The following CNBD1 variants were observed in gnomAD, a reference collection of about 807,000 sequenced individuals.
CNBD1 encodes the protein cyclic nucleotide-binding domain-containing protein 1.
In CNBD1, 71 loss-of-function variants were observed where a neutral mutation model predicts 54.4. The observed-to-expected ratio is 1.30, with a 90% confidence interval of 1.08 to 1.59. The LOEUF (loss-of-function observed/expected upper bound fraction) is 1.59. Among genes scored for constraint, CNBD1 ranks in the 40% most tolerant of loss-of-function variants. The pLI is 0.00. For synonymous variants in CNBD1, 182 were observed against 170.7 expected (o/e 1.07, Z -0.51); for missense variants, 659 against 518.0 (o/e 1.27, Z -2.64).
At chr8:87,040,423 C>CTTT (rs71277911) in intron 4 of CNBD1, among the ~76,000 whole-genome samples, 11 of 129,384 alleles carry the variant, frequency 8.5e-5, no homozygotes, top group South Asian at 2.5e-4. Flanking sequence ...AATTCTTTTT[C>CTTT]TTTTTTTTTT....
At chr8:86,927,678 A>G (rs573906446) in intron 3 of CNBD1, among the ~76,000 whole-genome samples, 13 of 152,164 alleles carry the variant, frequency 8.5e-5, no homozygotes, top group African/African-American at 1.9e-4. Flanking sequence ...TGCAAAGAGT[A>G]TGGTTAGTAT....
chr8:87,317,865 C>G (rs1809425840), intron 8 of CNBD1, among the ~76,000 whole-genome samples: 1 of 139,350 alleles, frequency 7.2e-6, no homozygotes, highest in Non-Finnish European at 1.6e-5. Flanking sequence ...TTCACTGTTT[C>G]TCTGTTCTAA....
At chr8:87,395,806 T>A (rs965816308) in intron 2 of CNBD1, among the ~76,000 whole-genome samples, 6 of 151,996 alleles carry the variant, frequency 3.9e-5, no homozygotes, top group African/African-American at 1.4e-4. Flanking sequence ...TGGTGAGAGA[T>A]AATTGAATCA....
chr8:87,293,492 G>A lies in CNBD1; in HGVS notation c.1042+6821G>A, dbSNP rs370476390. Among the ~76,000 whole-genome samples, 21 of 152,226 alleles carry A rather than the reference G, an allele frequency of 1.4e-4. No homozygotes were observed. The East Asian group carries it at 2.9e-3, about 21-fold the overall frequency. On this transcript the variant is annotated intron_variant, in intron 8 of 10. Transcript: ENST00000518476. ...CAGGAGGCTGAGGTTGCAGTGAGCC[G>A]AGATCGTGCTGCTGCACTCCAGCCT...
intron 4 of CNBD1, among the ~76,000 whole-genome samples, chr8:87,146,566 C>A (rs934834146): frequency 6.6e-6 from 1 of 152,126 alleles, no homozygotes. Context: ...GAATTCCCCT[C>A]CCCTACCCAT....
intron 8 of CNBD1, among the ~76,000 whole-genome samples, chr8:87,313,324 C>T (rs1320225308): frequency 6.6e-6 from 1 of 151,834 alleles, no homozygotes; most frequent in East Asian, 1.9e-4. Flanking sequence ...AGTTACTATC[C>T]AAGAAGAAAT....
intron 4 of CNBD1, among the ~76,000 whole-genome samples, chr8:87,047,154 G>C (rs956465893): frequency 1.1e-4 from 17 of 152,066 alleles, no homozygotes; most frequent in Non-Finnish European, 2.9e-5. Context: ...GATTTCCCGG[G>C]TATGGCACTT....
intron 1 of CNBD1, among the ~76,000 whole-genome samples, chr8:86,870,079 C>T (rs1808419626): frequency 6.6e-6 from 1 of 151,216 alleles, no homozygotes; most frequent in African/African-American, 2.4e-5. Flanking sequence ...TTTTAATTCA[C>T]CAGACATTTC....
chr8:87,171,715 T>G (rs1813091649), intron 4 of CNBD1, among the ~76,000 whole-genome samples: 1 of 152,022 alleles, frequency 6.6e-6, no homozygotes, highest in East Asian at 1.9e-4. Context: ...CTCAGCTCAC[T>G]GAAACCTTCA....
At chr8:87,357,804 T>C (rs927870295) in intron 10 of CNBD1, among the ~76,000 whole-genome samples, 1 of 152,168 alleles carries the variant, frequency 6.6e-6, no homozygotes, top group African/African-American at 2.4e-5. Flanking sequence ...TGATATAGTT[T>C]GGATGTCTGT....
In CNBD1 at chr8:87,416,744, T is replaced by C. The variant is rs562572948; in HGVS notation, c.214-11802T>C. Reference sequence around the variant, plus strand: ...TTACACTGGGCACTCCTGAAGGCTGTGGATAAAAATTGAGGCAGATAATAG... The same window carrying C: ...TTACACTGGGCACTCCTGAAGGCTGCGGATAAAAATTGAGGCAGATAATAG... On this transcript the variant is annotated intron_variant, in intron 2 of 7. Coordinates refer to the CNBD1 transcript ENST00000521593. 5.9e-5 allele frequency among the ~76,000 whole-genome samples: 9 copies of C among 152,120 alleles called. No individual in the cohort carries two copies. In the South Asian group the frequency reaches 1.9e-3, roughly 31 times the overall value.
chr8:86,918,818 A>G (rs1342843029), intron 3 of CNBD1, among the ~76,000 whole-genome samples: 1 of 145,268 alleles, frequency 6.9e-6, no homozygotes, highest in Non-Finnish European at 1.5e-5. Flanking sequence ...AAAAAAAAAG[A>G]TTTAGGGAGT....
intron 4 of CNBD1, among the ~76,000 whole-genome samples, chr8:87,012,553 C>T (rs886484472): frequency 8.5e-5 from 13 of 152,180 alleles, no homozygotes; most frequent in South Asian, 2.1e-4. Flanking sequence ...TTTTGTTTTC[C>T]GGCCTTCCTT....
intron 6 of CNBD1, among the ~76,000 whole-genome samples, chr8:87,279,748 A>G (rs1808558257): frequency 1.3e-5 from 2 of 151,112 alleles, no homozygotes; most frequent in African/African-American, 4.8e-5. Context: ...ATATAACTAA[A>G]TATGTGTAGT....
intron 4 of CNBD1, among the ~76,000 whole-genome samples, chr8:87,080,066 T>C (rs1810956775): frequency 6.6e-6 from 1 of 152,222 alleles, no homozygotes; most frequent in Non-Finnish European, 1.5e-5. Context: ...TGAAAACTAT[T>C]TTCCTTTCCC....
At chr8:87,027,344 T>A (rs367679039) in intron 4 of CNBD1, among the ~76,000 whole-genome samples, 37 of 152,242 alleles carry the variant, frequency 2.4e-4, no homozygotes, top group Non-Finnish European at 4.4e-4. Flanking sequence ...TGATCTCGGC[T>A]CACTGCAACC....
intron 4 of CNBD1, among the ~76,000 whole-genome samples, chr8:87,021,292 G>A (rs541804190): frequency 1.3e-5 from 2 of 151,438 alleles, no homozygotes; most frequent in African/African-American, 4.8e-5. Flanking sequence ...TTTTTATTCT[G>A]ACCAAGTACT....
chr8:87,179,873 G>T (rs73263943), intron 4 of CNBD1, among the ~76,000 whole-genome samples: 8,893 of 152,164 alleles, frequency 0.058, 784 homozygotes, highest in African/African-American at 0.19. Flanking sequence ...GTCAAAAACT[G>T]GAGTAACTCC....
At chr8:87,387,716 G>C (rs542971592), downstream of CNBD1, among the ~76,000 whole-genome samples, 11 of 152,184 alleles carry the variant, frequency 7.2e-5, no homozygotes, top group East Asian at 2.1e-3. Context: ...AAGTTAACAA[G>C]GATATCCAGG....
Sources: allele counts gnomAD v4.1 joint callset (sites outside exome capture counted in the v4.1 genomes callset), GRCh38; gene constraint gnomAD v4.1.1; transcripts MANE v1.5; gene names NCBI Gene and HGNC (gene_info 2026-07-23, HGNC 2026-07-21).